The following NBAS variants were observed in gnomAD, a reference collection of about 807,000 sequenced individuals.
The protein encoded by NBAS is NBAS subunit of NRZ tethering complex.
Under a neutral mutation model 302.5 loss-of-function variants are expected in NBAS, and 219 were observed. The observed-to-expected ratio is 0.72, with a 90% CI of 0.65 to 0.81. NBAS has a LOEUF of 0.81. Among genes scored for constraint, NBAS ranks in the 30% least tolerant of loss-of-function variants. NBAS has a pLI of 0.00. For missense variants in NBAS, 2,932 were observed against 2,841.6 expected, an observed-to-expected ratio of 1.03 and a Z score of -0.72; for synonymous variants, 1,118 against 1,021.6, an observed-to-expected ratio of 1.09 and a Z score of -1.80.
At chr2:14,990,894 C>A in the NBAS span, among the ~76,000 whole-genome samples, 1 of 152,078 alleles carries the variant, frequency 6.6e-6, no homozygotes, top group Admixed American at 6.6e-5. Context: ...CTAGAGGAAA[C>A]AAATGAAGAA....
the NBAS span, among the ~76,000 whole-genome samples, chr2:15,137,119 G>C: frequency 6.6e-6 from 1 of 152,184 alleles, no homozygotes; most frequent in Admixed American, 6.5e-5. Context: ...CCATCCATGA[G>C]TCAGAAAACA....
At chr2:15,461,622 G>T in intron 20 of NBAS, 65 bp downstream of exon 20, 1 of 999,362 alleles carries the variant, frequency 1.0e-6, no homozygotes, top group Non-Finnish European at 1.5e-6. Context: ...AACATTAACT[G>T]CACAGCTCAA....
the NBAS span, among the ~76,000 whole-genome samples, chr2:14,914,569 T>C: frequency 5.3e-5 from 8 of 152,318 alleles, no homozygotes; most frequent in African/African-American, 1.9e-4. Flanking sequence ...TAGGGGACAT[T>C]ATTTGCAGGA....
At chr2:15,469,288 G>C (rs955474422) in intron 16 of NBAS, among the ~76,000 whole-genome samples, 5 of 152,248 alleles carry the variant, frequency 3.3e-5, no homozygotes, top group African/African-American at 1.2e-4. Flanking sequence ...TGTAAATTGT[G>C]ATGTTAGGGT....
intron 21 of NBAS, among the ~76,000 whole-genome samples, chr2:15,435,024 A>G (rs1190095586): frequency 1.3e-5 from 2 of 152,246 alleles, no homozygotes; most frequent in Admixed American, 6.5e-5. Context: ...CCTTTAGACT[A>G]TTAATGACAC....
the NBAS span, among the ~76,000 whole-genome samples, chr2:14,995,215 C>T: frequency 2.6e-5 from 4 of 152,240 alleles, no homozygotes; most frequent in Admixed American, 6.5e-5. Flanking sequence ...CCCCCCTGCC[C>T]CCACTCCACA....
intron 44 of NBAS, among the ~76,000 whole-genome samples, chr2:15,274,098 T>A (rs370650643): frequency 1.3e-5 from 2 of 152,072 alleles, no homozygotes; most frequent in African/African-American, 4.8e-5. Context: ...AAAATCATCC[T>A]TATTTTTCTC....
chr2:15,551,851 G>A (rs1664400127), intron 5 of NBAS, among the ~76,000 whole-genome samples: 1 of 152,180 alleles, frequency 6.6e-6, no homozygotes, highest in South Asian at 2.1e-4. Flanking sequence ...TCTGAATCAA[G>A]AAATGTGGGA....
the NBAS span, among the ~76,000 whole-genome samples, chr2:14,933,903 T>C: frequency 6.6e-6 from 1 of 152,206 alleles, no homozygotes; most frequent in Non-Finnish European, 1.5e-5. Context: ...AATATGCACA[T>C]GTATTCATGT....
intron 40 of NBAS, among the ~76,000 whole-genome samples, chr2:15,302,659 T>G (rs1017375526): frequency 6.6e-6 from 1 of 152,140 alleles, no homozygotes; most frequent in Non-Finnish European, 1.5e-5. Context: ...TTGATAGATG[T>G]GATGGTTAAT....
At chr2:15,465,304 T>C (rs1197739566) in intron 19 of NBAS, among the ~76,000 whole-genome samples, 1 of 152,220 alleles carries the variant, frequency 6.6e-6, no homozygotes, top group Non-Finnish European at 1.5e-5. Context: ...CTGCCTTTTG[T>C]GAAAGGCCAG....
the NBAS span, among the ~76,000 whole-genome samples, chr2:14,969,817 A>G: frequency 6.6e-6 from 1 of 152,290 alleles, no homozygotes; most frequent in East Asian, 1.9e-4. Context: ...TTAACTTCAA[A>G]TAGGTCCCAG....
chr2:15,210,328 C>A (rs1158285446), intron 48 of NBAS, among the ~76,000 whole-genome samples: 1 of 152,054 alleles, frequency 6.6e-6, no homozygotes, highest in East Asian at 1.9e-4. Flanking sequence ...ATAGACATTT[C>A]TCAAAAGAAG....
chr2:15,141,229 C>A, the NBAS span, among the ~76,000 whole-genome samples: 20,558 of 151,748 alleles, frequency 0.14, 1,937 homozygotes, highest in East Asian at 0.45. Flanking sequence ...CTCTGCAGAG[C>A]TCTACAATTT....
At chr2:15,455,688 G>A (rs767051104) in intron 21 of NBAS, among the ~76,000 whole-genome samples, 8 of 151,238 alleles carry the variant, frequency 5.3e-5, no homozygotes, top group Non-Finnish European at 1.2e-4. Flanking sequence ...TAAGTGCTAT[G>A]AGCATATCCA....
the NBAS span, among the ~76,000 whole-genome samples, chr2:14,984,699 C>G: frequency 5.3e-5 from 8 of 152,176 alleles, 1 homozygote; most frequent in African/African-American, 1.7e-4. Flanking sequence ...TCTCCACCCC[C>G]AGAAGAGTTG....
At chr2:15,052,853 T>C in the NBAS span, among the ~76,000 whole-genome samples, 3 of 152,244 alleles carry the variant, frequency 2.0e-5, no homozygotes, top group Non-Finnish European at 4.4e-5. Flanking sequence ...ATATTTTTGA[T>C]GCAGGAATCC....
the NBAS span, among the ~76,000 whole-genome samples, chr2:14,912,702 T>TAAAAA: frequency 2.7e-3 from 275 of 101,034 alleles, 1 homozygote; most frequent in African/African-American, 1.0e-2. Context: ...GCATTCATTT[T>TAAAAA]TAAAAAAAAA....
At chr2:15,487,259 A>C (rs1680668683) in intron 12 of NBAS, among the ~76,000 whole-genome samples, 1 of 152,188 alleles carries the variant, frequency 6.6e-6, no homozygotes, top group Non-Finnish European at 1.5e-5. Flanking sequence ...ACCATGAAAA[A>C]CACGAAGTAT....
Sources: gnomAD v4.1 joint callset for allele counts (sites outside exome capture counted in the v4.1 genomes callset) on GRCh38, gnomAD v4.1.1 for gene constraint, MANE v1.5 for transcripts, NCBI Gene and HGNC (gene_info 2026-07-23, HGNC 2026-07-21) for gene names.